The following ARHGAP24 variants were observed in gnomAD, a reference collection of about 807,000 sequenced individuals.
The protein encoded by ARHGAP24 is Rho GTPase activating protein 24.
A neutral mutation model predicts 76.4 loss-of-function variants in ARHGAP24; 50 were observed. The ratio of observed to expected loss-of-function variants is 0.65; its 90% CI spans 0.52 to 0.83. The LOEUF (loss-of-function observed/expected upper bound fraction) is 0.83. Among genes scored for constraint, ARHGAP24 ranks in the 40% least tolerant of loss-of-function variants. The pLI, the probability that ARHGAP24 is intolerant of heterozygous loss-of-function variation, is 0.00. For synonymous variants in ARHGAP24, 345 were observed against 323.3 expected (o/e 1.07, Z -0.72); for missense variants, 930 against 914.2 (o/e 1.02, Z -0.22).
intron 1 of ARHGAP24, among the ~76,000 whole-genome samples, chr4:85,505,356 A>G (rs1210160285): frequency 6.6e-6 from 1 of 152,206 alleles, no homozygotes; most frequent in Non-Finnish European, 1.5e-5. Context: ...TTTCAGGTAC[A>G]CCAATCAAAC....
intron 3 of ARHGAP24, among the ~76,000 whole-genome samples, chr4:85,907,145 A>C (rs1734813049): frequency 1.3e-5 from 2 of 152,272 alleles, no homozygotes; most frequent in Non-Finnish European, 2.9e-5. Context: ...CCCATATCAG[A>C]GTTTCAAATG....
chr4:85,530,195 A>G (rs1578011468), intron 1 of ARHGAP24, among the ~76,000 whole-genome samples: 1 of 152,174 alleles, frequency 6.6e-6, no homozygotes, highest in East Asian at 1.9e-4. Flanking sequence ...TTGTTTTAAA[A>G]GTAGGAGACT....
intron 2 of ARHGAP24, among the ~76,000 whole-genome samples, chr4:85,573,644 A>G (rs1401040275): frequency 6.6e-6 from 1 of 152,234 alleles, no homozygotes; most frequent in Non-Finnish European, 1.5e-5. Context: ...ATAACATCTA[A>G]ATGGAGAATA....
chr4:85,581,821 A>T (rs1400880333), intron 2 of ARHGAP24, among the ~76,000 whole-genome samples: 1 of 151,996 alleles, frequency 6.6e-6, no homozygotes, highest in Non-Finnish European at 1.5e-5. Context: ...TTTCTGTTTT[A>T]TACATATATA....
intron 2 of ARHGAP24, among the ~76,000 whole-genome samples, chr4:85,591,037 T>TG (rs1728078007): frequency 7.8e-6 from 1 of 127,684 alleles, no homozygotes; most frequent in African/African-American, 3.0e-5. Context: ...CTGGGTTTTT[T>TG]TTTTTTTTTT....
At chr4:85,565,805 C>T (rs1365230270) in intron 1 of ARHGAP24, among the ~76,000 whole-genome samples, 7 of 152,126 alleles carry the variant, frequency 4.6e-5, no homozygotes, top group Admixed American at 1.3e-4. Context: ...CTTGTTTATA[C>T]GCATGCTTAT....
chr4:85,574,087 C>G (rs970142507), intron 2 of ARHGAP24, among the ~76,000 whole-genome samples: 1 of 152,084 alleles, frequency 6.6e-6, no homozygotes, highest in African/African-American at 2.4e-5. Context: ...TCTTAACTTG[C>G]TTTTTGTTTT....
intron 3 of ARHGAP24, among the ~76,000 whole-genome samples, chr4:85,853,858 G>A (rs28385514): frequency 0.16 from 23,893 of 152,026 alleles, 2,494 homozygotes; most frequent in Non-Finnish European, 0.23. Context: ...GGAGGCTGAG[G>A]CAGGAGAATC....
At chr4:85,762,765 T>G (rs1419983651) in intron 3 of ARHGAP24, among the ~76,000 whole-genome samples, 1 of 152,186 alleles carries the variant, frequency 6.6e-6, no homozygotes, top group Non-Finnish European at 1.5e-5. Context: ...AATTTCCTAT[T>G]ACACTTATGT....
At chr4:85,944,691 G>T (rs755631784) in intron 5 of ARHGAP24, among the ~76,000 whole-genome samples, 1 of 152,154 alleles carries the variant, frequency 6.6e-6, no homozygotes, top group Non-Finnish European at 1.5e-5. Context: ...ATAAGTTGTA[G>T]ATATAAGCCC....
At chr4:85,662,033 A>G (rs1442858735) in intron 2 of ARHGAP24, among the ~76,000 whole-genome samples, 1 of 152,234 alleles carries the variant, frequency 6.6e-6, no homozygotes, top group East Asian at 1.9e-4. Context: ...GTATATACCC[A>G]GTAATGGGTT....
chr4:85,832,257 T>C (rs941172726), intron 3 of ARHGAP24, among the ~76,000 whole-genome samples: 5 of 152,296 alleles, frequency 3.3e-5, no homozygotes, highest in Admixed American at 2.0e-4. Flanking sequence ...GGGTTGTCTC[T>C]AGTTGTCTAA....
rs891951206 is a variant in ARHGAP24, at chr4:85,935,655, G to T, written c.392-6411G>T. On this transcript the variant is annotated intron_variant, in intron 4 of 9. Coordinates refer to ENST00000395184, the MANE Select transcript of ARHGAP24 (RefSeq NM_001025616.3). ...ATGTGTGACCTCAGACAGGTCACCT[G>T]CCATCTTCAAATCTGTTTCCCTGTT... is the stretch of plus-strand genomic sequence containing the variant. Among the ~76,000 whole-genome samples, 6 of 152,148 alleles carry T rather than the reference G, an allele frequency of 3.9e-5. No individual in the cohort carries two copies. In the South Asian group the frequency reaches 1.2e-3, roughly 32 times the overall value.
At chr4:85,936,893 G>A (rs1342383921) in intron 4 of ARHGAP24, among the ~76,000 whole-genome samples, 1 of 152,202 alleles carries the variant, frequency 6.6e-6, no homozygotes, top group Non-Finnish European at 1.5e-5. Flanking sequence ...CATATTGTTT[G>A]TGAGGAAGCA....
chr4:85,986,815 G>T (rs1436439068), intron 8 of ARHGAP24, among the ~76,000 whole-genome samples: 1 of 152,098 alleles, frequency 6.6e-6, no homozygotes, highest in East Asian at 1.9e-4. Flanking sequence ...CACAAAAAGA[G>T]TGCAAAGTCC....
intron 3 of ARHGAP24, among the ~76,000 whole-genome samples, chr4:85,854,375 T>G (rs1403466947): frequency 6.6e-6 from 1 of 152,180 alleles, no homozygotes; most frequent in Non-Finnish European, 1.5e-5. Flanking sequence ...TGGTGCAATT[T>G]TATTTTTCAC....
At chr4:85,762,072 A>G (rs1324923077) in intron 3 of ARHGAP24, among the ~76,000 whole-genome samples, 3 of 152,334 alleles carry the variant, frequency 2.0e-5, no homozygotes, top group Non-Finnish European at 4.4e-5. Context: ...AAGTATAAAT[A>G]CATCCCATCA....
At chr4:85,659,232 C>T (rs74956837) in intron 2 of ARHGAP24, among the ~76,000 whole-genome samples, 2 of 152,222 alleles carry the variant, frequency 1.3e-5, no homozygotes, top group East Asian at 3.9e-4. Flanking sequence ...GGTTTTTGGC[C>T]TGAACAGAGG....
intron 4 of ARHGAP24, among the ~76,000 whole-genome samples, chr4:85,924,225 C>T (rs1735893317): frequency 6.6e-6 from 1 of 152,120 alleles, no homozygotes; most frequent in Non-Finnish European, 1.5e-5. Flanking sequence ...GGAGTAAAAA[C>T]ATCCTTCAGA....
Sources: allele counts gnomAD v4.1 joint callset (sites outside exome capture counted in the v4.1 genomes callset), GRCh38; gene constraint gnomAD v4.1.1; transcripts MANE v1.5; gene names NCBI Gene and HGNC (gene_info 2026-07-23, HGNC 2026-07-21).